TENM2: variants seen among roughly 807,000 people sequenced by gnomAD.
TENM2 encodes teneurin-2.
A neutral mutation model predicts 245.2 loss-of-function variants in TENM2; 52 were observed. That is an observed-to-expected ratio of 0.21 (90% CI 0.17 to 0.27). The LOEUF (loss-of-function observed/expected upper bound fraction) is 0.27. TENM2 is among the 10% of genes least tolerant of loss of function. The pLI, the probability that TENM2 is intolerant of heterozygous loss-of-function variation, is 1.00. For missense variants in TENM2, 3,046 were observed against 3,666.8 expected (o/e 0.83, Z 4.37); for synonymous variants, 1,363 against 1,438.9 (o/e 0.95, Z 1.19).
chr5:168,106,871 G>A (rs1007277166), intron 9 of TENM2, among the ~76,000 whole-genome samples: 5 of 152,134 alleles, frequency 3.3e-5, no homozygotes, highest in African/African-American at 1.2e-4. Flanking sequence ...GACCAGCCTG[G>A]GCAACGTGGT....
chr5:167,677,726 T>C (rs1377872675), intron 2 of TENM2, among the ~76,000 whole-genome samples: 1 of 148,952 alleles, frequency 6.7e-6, no homozygotes, highest in East Asian at 1.9e-4. Context: ...GATAATTATA[T>C]GTTTATATAC....
chr5:168,226,089 T>C, exon 24 of TENM2: 1 of 1,612,728 alleles, frequency 6.2e-7, no homozygotes, highest in Non-Finnish European at 8.5e-7. Flanking sequence ...TCCCCCCAGC[T>C]ATGACCACGA....
At chr5:167,074,792 A>G in the TENM2 span, among the ~76,000 whole-genome samples, 1 of 152,148 alleles carries the variant, frequency 6.6e-6, no homozygotes, top group East Asian at 1.9e-4. Context: ...TTAGGATTGT[A>G]TTGTGCTTTC....
chr5:167,795,539 T>G (rs2150919141), intron 2 of TENM2, among the ~76,000 whole-genome samples: 1 of 152,242 alleles, frequency 6.6e-6, no homozygotes, highest in East Asian at 1.9e-4. Flanking sequence ...AAGACCCATC[T>G]AAGGACCTCT....
intron 3 of TENM2, among the ~76,000 whole-genome samples, chr5:167,882,236 C>T (rs756376655): frequency 2.1e-4 from 32 of 152,220 alleles, no homozygotes; most frequent in Admixed American, 1.1e-3. Context: ...TTTACGCCCA[C>T]TGTTTGGCAA....
At chr5:167,815,356 A>G (rs1189367056) in intron 2 of TENM2, among the ~76,000 whole-genome samples, 1 of 152,130 alleles carries the variant, frequency 6.6e-6, no homozygotes, top group Non-Finnish European at 1.5e-5. Flanking sequence ...CCTAGCTACC[A>G]AGTCTTCAGT....
At chr5:167,241,789 G>A in the TENM2 span, among the ~76,000 whole-genome samples, 1 of 152,160 alleles carries the variant, frequency 6.6e-6, no homozygotes, top group Non-Finnish European at 1.5e-5. Context: ...ATGATTGCAA[G>A]ATGACAAAGT....
At chr5:168,089,878 T>C (rs1792773361) in intron 7 of TENM2, among the ~76,000 whole-genome samples, 1 of 152,144 alleles carries the variant, frequency 6.6e-6, no homozygotes. Context: ...ATTATCTGAA[T>C]CCTCACAACA....
chr5:167,008,763 T>G, the TENM2 span, among the ~76,000 whole-genome samples: 38 of 152,246 alleles, frequency 2.5e-4, no homozygotes, highest in East Asian at 7.2e-3. Flanking sequence ...CATCCACGGT[T>G]TGGGAACCGT....
At chr5:167,184,334 G>C in the TENM2 span, among the ~76,000 whole-genome samples, 1 of 152,170 alleles carries the variant, frequency 6.6e-6, no homozygotes, top group Non-Finnish European at 1.5e-5. Flanking sequence ...ACTGAGGCTT[G>C]TTAAATGCAA....
intron 2 of TENM2, among the ~76,000 whole-genome samples, chr5:167,504,743 T>C (rs1433224821): frequency 2.0e-5 from 3 of 152,212 alleles, no homozygotes; most frequent in Admixed American, 2.0e-4. Context: ...AGAAGTAATG[T>C]TACTGCTTTA....
the TENM2 span, among the ~76,000 whole-genome samples, chr5:167,185,118 C>T: frequency 5.3e-4 from 80 of 152,242 alleles, no homozygotes; most frequent in African/African-American, 1.9e-3. Context: ...TGTTAGAGCG[C>T]CTGGCCTCAT....
At chr5:167,959,570 T>C (rs537355464) in intron 4 of TENM2, among the ~76,000 whole-genome samples, 1 of 152,352 alleles carries the variant, frequency 6.6e-6, no homozygotes, top group South Asian at 2.1e-4. Flanking sequence ...TGTTCTTCTC[T>C]AAACTGGTTA....
chr5:167,322,967 G>A (rs1199026835), intron 1 of TENM2, among the ~76,000 whole-genome samples: 4 of 152,200 alleles, frequency 2.6e-5, no homozygotes, highest in Non-Finnish European at 4.4e-5. Flanking sequence ...AAATAGTCAT[G>A]TGCTATTATT....
At chr5:167,632,567 T>G (rs1778944532) in intron 2 of TENM2, among the ~76,000 whole-genome samples, 1 of 152,192 alleles carries the variant, frequency 6.6e-6, no homozygotes, top group African/African-American at 2.4e-5. Context: ...ATTAAGTTTT[T>G]TACCCGTTAA....
At chr5:168,243,751 C>T (rs892564347) in intron 25 of TENM2, among the ~76,000 whole-genome samples, 1 of 152,182 alleles carries the variant, frequency 6.6e-6, no homozygotes, top group African/African-American at 2.4e-5. Context: ...AATTTGCACA[C>T]TGCACAATTT....
chr5:167,937,109 A>G (rs1280419920), intron 3 of TENM2, among the ~76,000 whole-genome samples: 1 of 152,188 alleles, frequency 6.6e-6, no homozygotes, highest in African/African-American at 2.4e-5. Flanking sequence ...TACCTCACAT[A>G]CTTTTCAGTT....
chr5:168,130,503 G>C (rs988599201), intron 12 of TENM2: 3 of 152,284 alleles, frequency 2.0e-5, no homozygotes, highest in African/African-American at 7.2e-5. Context: ...AGCGCAGACG[G>C]CACATTGTGT....
the TENM2 span, among the ~76,000 whole-genome samples, chr5:167,071,485 C>T: frequency 1.3e-5 from 2 of 152,052 alleles, no homozygotes; most frequent in Admixed American, 1.3e-4. Context: ...AAAAGTAAAA[C>T]AAAAACAAAG....
Sources: gnomAD v4.1 joint callset for allele counts (sites outside exome capture counted in the v4.1 genomes callset) on GRCh38, gnomAD v4.1.1 for gene constraint, MANE v1.5 for transcripts, NCBI Gene and HGNC (gene_info 2026-07-23, HGNC 2026-07-21) for gene names.